The following NR4A1 variants were observed in gnomAD, a reference collection of about 807,000 sequenced individuals.
NR4A1 encodes nuclear receptor subfamily 4immunitygroup A member 1.
A neutral mutation model predicts 47.5 loss-of-function variants in NR4A1; 24 were observed. The observed-to-expected ratio is 0.50, with a 90% CI of 0.37 to 0.71. The LOEUF (loss-of-function observed/expected upper bound fraction) is 0.71. NR4A1 is among the 30% of genes least tolerant of loss of function. NR4A1 has a pLI of 0.00. For missense variants in NR4A1, 669 were observed against 788.6 expected (o/e 0.85, Z 1.82); for synonymous variants, 353 against 345.7 (o/e 1.02, Z -0.24).
intron 1 of NR4A1, among the ~76,000 whole-genome samples, chr12:52,025,442 C>T (rs898240635): frequency 6.6e-6 from 1 of 152,190 alleles, no homozygotes; most frequent in Non-Finnish European, 1.5e-5. Flanking sequence ...CGCCTTCCCA[C>T]CGGTCCTGTG....
Position 52,033,284 on chromosome 12 carries a change from C to A in NR4A1, c.-83-8526C>A, listed in dbSNP as rs1224853632. On this transcript the variant is annotated intron_variant, in intron 1 of 7. Transcript: ENST00000360284. ...CAGGGAGGACCCGCCGGGCCAGATC[C>A]CATCTCTGGCGACGCGGAGAAAAAT... is the stretch of plus-strand genomic sequence containing the variant. 2.0e-5 allele frequency among the ~76,000 whole-genome samples: 3 copies of A among 152,216 alleles called. No individual in the cohort carries two copies. In the East Asian group the frequency reaches 5.8e-4, roughly 29 times the overall value.
chr12:52,029,718 G>C (rs1325530192), intron 1 of NR4A1, among the ~76,000 whole-genome samples: 2 of 121,550 alleles, frequency 1.6e-5, no homozygotes, highest in Non-Finnish European at 3.6e-5. Flanking sequence ...ACACAAGACA[G>C]AACACCAGAG....
intron 4 of NR4A1, 111 bp downstream of exon 4, chr12:52,056,756 TAAAA>T: frequency 2.0e-6 from 1 of 498,958 alleles, no homozygotes; most frequent in South Asian, 1.9e-5. Flanking sequence ...AAAGGAGGTT[TAAAA>T]AAGAAAGAAA....
intron 2 of NR4A1, 105 bp from the exon 3 acceptor site, chr12:52,055,925 G>A (rs1197987602): frequency 5.2e-6 from 3 of 582,050 alleles, no homozygotes; most frequent in Admixed American, 3.8e-5. Flanking sequence ...AACAGAGAGC[G>A]CTTTTGTCTG....
chr12:52,050,934 G>A (rs1938891007), upstream of NR4A1, among the ~76,000 whole-genome samples: 2 of 152,200 alleles, frequency 1.3e-5, no homozygotes, highest in South Asian at 2.1e-4. Context: ...TAAAGGCGGG[G>A]CTAGGCTCGG....
chr12:52,046,458 G>T (rs1237805079), upstream of NR4A1, among the ~76,000 whole-genome samples: 2 of 152,176 alleles, frequency 1.3e-5, no homozygotes, highest in Non-Finnish European at 2.9e-5. Context: ...CTGGTGAACT[G>T]CTCAGAAAAT....
At chr12:52,052,134 T>C (rs1213354914) in intron 1 of NR4A1, among the ~76,000 whole-genome samples, 2 of 152,072 alleles carry the variant, frequency 1.3e-5, no homozygotes, top group South Asian at 2.1e-4. Flanking sequence ...CTCCGGATCA[T>C]TGAAGGAAGT....
intron 4 of NR4A1, 122 bp from the exon 5 acceptor site, chr12:52,056,935 G>C (rs1251992872): frequency 2.1e-6 from 2 of 971,544 alleles, no homozygotes; most frequent in Non-Finnish European, 3.0e-6. Context: ...TGAGAGCCTG[G>C]GCAGGATCTC....
At chr12:52,025,799 T>TTATAAGAGG (rs1937988556) in intron 1 of NR4A1, among the ~76,000 whole-genome samples, 2 of 152,166 alleles carry the variant, frequency 1.3e-5, no homozygotes, top group Admixed American at 1.3e-4. Flanking sequence ...CCTTCCTCCC[T>TTATAAGAGG]TATAAGAGGT....
At chr12:52,038,778 T>C in intron 1 of NR4A1, 1 of 763,310 alleles carries the variant, frequency 1.3e-6, no homozygotes, top group South Asian at 1.4e-5. Flanking sequence ...GGGCCGAGAT[T>C]AACGGTGTGA....
chr12:52,037,547 C>A (rs1233490199), intron 1 of NR4A1: 9 of 977,752 alleles, frequency 9.2e-6, no homozygotes, highest in Non-Finnish European at 8.5e-6. Flanking sequence ...GCCGGAGTCC[C>A]GCTTGGAAAC....
chr12:52,054,154 T>C, intron 1 of NR4A1, 173 bp from the exon 2 acceptor site: 1 of 609,928 alleles, frequency 1.6e-6, no homozygotes, highest in Non-Finnish European at 2.9e-6. Flanking sequence ...GTCGAGATGG[T>C]ACTCAGGCCA....
upstream of NR4A1, among the ~76,000 whole-genome samples, chr12:52,048,439 A>C (rs1345349453): frequency 6.6e-6 from 1 of 151,090 alleles, no homozygotes; most frequent in Non-Finnish European, 1.5e-5. Flanking sequence ...CTAAAAATAC[A>C]AAAAAATTAG....
chr12:52,058,531 C>T (rs1185580737), intron 6 of NR4A1, 157 bp from the exon 7 acceptor site: 28 of 952,396 alleles, frequency 2.9e-5, no homozygotes, highest in Non-Finnish European at 3.5e-5. Flanking sequence ...AGACTTGTGA[C>T]GATGCTTACT....
At chr12:52,040,269 G>A (rs1938384653) in intron 1 of NR4A1, among the ~76,000 whole-genome samples, 1 of 152,226 alleles carries the variant, frequency 6.6e-6, no homozygotes, top group Non-Finnish European at 1.5e-5. Flanking sequence ...CCTGTTTGAA[G>A]ATGCTATGAA....
intron 1 of NR4A1, among the ~76,000 whole-genome samples, chr12:52,035,595 C>T (rs576712554): frequency 6.6e-6 from 1 of 152,244 alleles, no homozygotes; most frequent in African/African-American, 2.4e-5. Context: ...GTCCCTTTCC[C>T]CCACCCCAAC....
intron 1 of NR4A1, 148 bp downstream of exon 1, chr12:52,051,716 A>G (rs1445872471): frequency 1.9e-5 from 9 of 484,462 alleles, no homozygotes; most frequent in African/African-American, 2.1e-5. Flanking sequence ...ATGAGAACCC[A>G]GGTCAGACTG....
chr12:52,041,956 A>AC (rs1938456711), intron 2 of NR4A1: 2 of 1,242,602 alleles, frequency 1.6e-6, no homozygotes, highest in African/African-American at 3.1e-5. Context: ...TGTCCTTTGT[A>AC]CACCCCTCCA....
At chr12:52,038,546 T>A in intron 1 of NR4A1, 1 of 603,284 alleles carries the variant, frequency 1.7e-6, no homozygotes, top group South Asian at 1.9e-5. Context: ...CACTGGGTGC[T>A]GATGGATTTG....
Sources: gnomAD v4.1 joint callset for allele counts (sites outside exome capture counted in the v4.1 genomes callset) on GRCh38, gnomAD v4.1.1 for gene constraint, MANE v1.5 for transcripts, NCBI Gene and HGNC (gene_info 2026-07-23, HGNC 2026-07-21) for gene names.